Variants in PTPRD observed in about 807,000 individuals in gnomAD.
PTPRD encodes protein tyrosine phosphatase receptor type D.
PTPRD carries 34 observed loss-of-function variants against 214.5 expected under a neutral mutation model. The observed-to-expected ratio is 0.16, with a 90% CI of 0.12 to 0.21. The LOEUF (loss-of-function observed/expected upper bound fraction) is 0.21, where lower values mean the gene tolerates loss of function less well. Ranked by LOEUF, PTPRD falls within the 10% of genes least tolerant of loss-of-function variation. The pLI is 1.00. For synonymous variants in PTPRD, 1,128 were observed against 845.7 expected (o/e 1.33, Z -5.79); for missense variants, 2,545 against 2,398.7 (o/e 1.06, Z -1.27).
At chr9:9,412,771 C>T (rs1033516864) in intron 8 of PTPRD, among the ~76,000 whole-genome samples, 4 of 152,102 alleles carry the variant, frequency 2.6e-5, no homozygotes, top group Non-Finnish European at 5.9e-5. Flanking sequence ...TCTCTTTTGG[C>T]ACAAAATTTC....
At chr9:8,611,667 C>A (rs138973937) in intron 14 of PTPRD, among the ~76,000 whole-genome samples, 1 of 150,864 alleles carries the variant, frequency 6.6e-6, no homozygotes, top group Non-Finnish European at 1.5e-5. Flanking sequence ...TGTGATCCAG[C>A]CACTGCACTC....
Position 9,629,238 on chromosome 9 carries a change from G to GTGTGTATATATATATATA in PTPRD, c.-286-54458_-286-54457insTATATATATATATACACA, listed in dbSNP as rs149327972. Among the ~76,000 whole-genome samples the GTGTGTATATATATATATA allele has an allele frequency of 4.7e-3, 658 of 140,338 alleles. 7 individuals carry two copies. Among genetic ancestry groups the GTGTGTATATATATATATA allele is most frequent in the African/African-American group, 0.017 (587 of 35,510 alleles). 92.1% of individuals were successfully genotyped at this position (140,338 alleles called of 152,430 possible). A position where few individuals can be genotyped will look rare whatever the true frequency, so the allele number is the denominator to read the frequency against. The stretch of plus-strand genomic sequence containing the variant: ...TGGGGAGATATATATGTGTGTGTGT[G>GTGTGTATATATATATATA]TATATATATATATATATATGAACAC... On this transcript the variant is annotated intron_variant, in intron 7 of 45. Coordinates refer to ENST00000381196, the MANE Select transcript of PTPRD (RefSeq NM_002839.4).
chr9:10,085,050 T>C (rs1395978338), intron 3 of PTPRD, among the ~76,000 whole-genome samples: 2 of 151,868 alleles, frequency 1.3e-5, no homozygotes, highest in South Asian at 2.1e-4. Context: ...TCTGGGTGTG[T>C]AGTATGGTGG....
In PTPRD at chr9:9,397,444, C is replaced by T. The variant is rs1009311215; in HGVS notation, c.-203+5G>A. 2 of 152,304 alleles carry T rather than the reference C, an allele frequency of 1.3e-5. No homozygotes were observed. The highest frequency in any genetic ancestry group is 4.1e-4 in the South Asian group (2 of 4,832). The allele number at this position is 152,304 out of a possible 1,614,324, so 9.4% of individuals were successfully genotyped here. A position where few individuals can be genotyped will look rare whatever the true frequency, so the allele number is the denominator to read the frequency against. ...GCAGACATAAGATGAGCAAAATAAA[C>T]TTACCACAGTTGTTCAGTTAATGGA... On this transcript the variant is annotated splice_donor_5th_base_variant and intron_variant, in intron 9 of 45. Coordinates refer to ENST00000381196, the MANE Select transcript of PTPRD (RefSeq NM_002839.4).
intron 2 of PTPRD, among the ~76,000 whole-genome samples, chr9:10,344,314 G>C (rs907015162): frequency 6.6e-6 from 1 of 151,906 alleles, no homozygotes; most frequent in Admixed American, 6.6e-5. Flanking sequence ...GTTTTTGTCA[G>C]GTTTGTCATA....
At chr9:9,570,211 T>A (rs2085939832) in intron 8 of PTPRD, among the ~76,000 whole-genome samples, 1 of 151,590 alleles carries the variant, frequency 6.6e-6, no homozygotes. Flanking sequence ...ATCATCATTA[T>A]TATTATTATT....
chr9:9,323,411 A>G (rs1293449458), intron 9 of PTPRD, among the ~76,000 whole-genome samples: 1 of 152,172 alleles, frequency 6.6e-6, no homozygotes. Context: ...TAAGGTTGAG[A>G]AAATGGAGGC....
intron 4 of PTPRD, among the ~76,000 whole-genome samples, chr9:10,025,435 AATG>A (rs1188390425): frequency 6.6e-6 from 1 of 152,184 alleles, no homozygotes; most frequent in Non-Finnish European, 1.5e-5. Context: ...TTTGCCTGAG[AATG>A]ATAATTATAA....
At chr9:9,881,212 A>T (rs2068577198) in intron 5 of PTPRD, among the ~76,000 whole-genome samples, 1 of 152,168 alleles carries the variant, frequency 6.6e-6, no homozygotes, top group South Asian at 2.1e-4. Flanking sequence ...TTGGACATTC[A>T]AAGAAAAATA....
intron 37 of PTPRD, among the ~76,000 whole-genome samples, chr9:8,384,776 T>C (rs141813417): frequency 2.0e-4 from 30 of 152,320 alleles, no homozygotes; most frequent in Non-Finnish European, 3.8e-4. Flanking sequence ...TCTGCCCGCC[T>C]TGGCCTCTCA....
At chr9:9,241,622 C>G (rs1161047404) in intron 9 of PTPRD, among the ~76,000 whole-genome samples, 1 of 151,892 alleles carries the variant, frequency 6.6e-6, no homozygotes, top group Non-Finnish European at 1.5e-5. Flanking sequence ...CTCTTTTGAT[C>G]TTTGTTGGTT....
intron 3 of PTPRD, among the ~76,000 whole-genome samples, chr9:10,044,754 GTTA>G (rs1374600783): frequency 6.6e-6 from 1 of 151,636 alleles, no homozygotes; most frequent in African/African-American, 2.4e-5. Flanking sequence ...AATTAAAATT[GTTA>G]TTATTATAAT....
intron 14 of PTPRD, among the ~76,000 whole-genome samples, chr9:8,581,195 TA>T (rs142301017): frequency 2.4e-4 from 36 of 147,516 alleles, no homozygotes; most frequent in African/African-American, 5.0e-4. Context: ...GAATATATTA[TA>T]AAAAAAAAAT....
chr9:9,657,571 G>T (rs895308828), intron 7 of PTPRD, among the ~76,000 whole-genome samples: 2 of 152,082 alleles, frequency 1.3e-5, no homozygotes, highest in African/African-American at 4.8e-5. Flanking sequence ...TGCACGTTGT[G>T]CATATGTACC....
intron 5 of PTPRD, among the ~76,000 whole-genome samples, chr9:9,788,419 G>A (rs979325393): frequency 4.0e-5 from 6 of 151,568 alleles, no homozygotes; most frequent in African/African-American, 9.7e-5. Flanking sequence ...GGGCATGGTG[G>A]CAGGCGCCTG....
chr9:9,477,435 T>G (rs10977812), intron 8 of PTPRD, among the ~76,000 whole-genome samples: 105,373 of 152,020 alleles, frequency 0.69, 36,592 homozygotes, highest in South Asian at 0.73. Context: ...GGGACAATAA[T>G]ATTAAATCAA....
intron 9 of PTPRD, among the ~76,000 whole-genome samples, chr9:9,352,353 G>GTGTGTA (rs1393822900): frequency 1.5e-5 from 2 of 130,018 alleles, no homozygotes; most frequent in African/African-American, 5.2e-5. Flanking sequence ...GTGTGTGTGT[G>GTGTGTA]TATATATGTG....
intron 3 of PTPRD, among the ~76,000 whole-genome samples, chr9:10,255,914 C>G (rs891601262): frequency 6.6e-6 from 1 of 152,134 alleles, no homozygotes; most frequent in African/African-American, 2.4e-5. Context: ...TGGTACTGCT[C>G]TAGTACCTGT....
At chr9:8,920,662 T>C (rs1026907895) in intron 11 of PTPRD, among the ~76,000 whole-genome samples, 2 of 152,194 alleles carry the variant, frequency 1.3e-5, no homozygotes, top group Non-Finnish European at 2.9e-5. Context: ...TTCAAAGCCA[T>C]CCTAGACCAA....
Sources: gnomAD v4.1 joint callset for allele counts (sites outside exome capture counted in the v4.1 genomes callset) on GRCh38, gnomAD v4.1.1 for gene constraint, MANE v1.5 for transcripts, NCBI Gene and HGNC (gene_info 2026-07-23, HGNC 2026-07-21) for gene names.